YTHDF2: variants seen among roughly 807,000 people sequenced by gnomAD.
YTHDF2 encodes the protein YTH domain-containing family protein 2.
YTHDF2 carries 2 observed loss-of-function variants against 50.4 expected under a neutral mutation model. The observed-to-expected ratio is 0.04, with a 90% CI of 0.02 to 0.12. YTHDF2 has a LOEUF of 0.12. Ranked by LOEUF, YTHDF2 falls within the 10% of genes least tolerant of loss-of-function variation. The pLI is 1.00. For missense variants in YTHDF2, 483 were observed against 722.6 expected, an observed-to-expected ratio of 0.67 and a Z score of 3.80; for synonymous variants, 217 against 255.6, an observed-to-expected ratio of 0.85 and a Z score of 1.44.
At position 28,738,271 on chromosome 1, in the gene YTHDF2, C is replaced by T; in HGVS notation, c.65C>T (p.Ser22Phe). 6.2e-7 allele frequency: 1 copy of T among 1,613,870 alleles called. No individual in the cohort carries two copies. The highest frequency in any genetic ancestry group is 8.5e-7 in the Non-Finnish European group (1 of 1,179,784). ...KGQGNKVQNGSVHQKDGLNDD... is the reference protein window; with the variant it reads ...KGQGNKVQNGFVHQKDGLNDD... ...TTTTTTTCTTTAGTACAAAATGGAT[C>T]TGTACATCAAAAGGATGGATTAAAC... Residue 22 changes from serine to phenylalanine, a missense_variant, in exon 3 of 5, where the codon TCT becomes TTT. This residue lies in a region of YTHDF2 where 385 missense variants were observed against 475.8 expected (regional missense o/e 0.81). Transcript: ENST00000373812.
intron 1 of YTHDF2, 157 bp from the exon 2 acceptor site, chr1:28,737,501 C>A (rs906988479): frequency 1.8e-5 from 19 of 1,030,588 alleles, no homozygotes; most frequent in Non-Finnish European, 2.2e-5. Flanking sequence ...CGCTTTCCCC[C>A]GCCTCCCATT....
chr1:28,768,719 G>A (rs1156926669), intron 4 of YTHDF2, among the ~76,000 whole-genome samples: 3 of 152,136 alleles, frequency 2.0e-5, no homozygotes, highest in Non-Finnish European at 4.4e-5. Flanking sequence ...GAATTTTCAA[G>A]TCAAAAGTAA....
At chr1:28,762,385 C>G (rs2088149954) in intron 4 of YTHDF2, among the ~76,000 whole-genome samples, 1 of 152,210 alleles carries the variant, frequency 6.6e-6, no homozygotes, top group African/African-American at 2.4e-5. Context: ...GAGCGAGACT[C>G]TGTCTCAAAG....
At chr1:28,747,662 C>G (rs1204758799) in intron 4 of YTHDF2, among the ~76,000 whole-genome samples, 1 of 147,856 alleles carries the variant, frequency 6.8e-6, no homozygotes, top group African/African-American at 2.5e-5. Context: ...TTGTGATCCT[C>G]CCGCCTCTCC....
At chr1:28,741,480 G>A (rs2087775381) in intron 3 of YTHDF2, among the ~76,000 whole-genome samples, 1 of 152,084 alleles carries the variant, frequency 6.6e-6, no homozygotes, top group African/African-American at 2.4e-5. Context: ...TGTCTTTTTA[G>A]TAGAGACTGG....
Position 28,743,284 on chromosome 1 carries a change from G to C in YTHDF2, c.1014G>C (p.Gln338His), listed in dbSNP as rs771602114. 1 of 1,614,160 alleles carries C rather than the reference G, an allele frequency of 6.2e-7. No homozygotes were observed. The highest frequency in any genetic ancestry group is 8.5e-7 in the Non-Finnish European group (1 of 1,180,044). Reference protein sequence around the residue: ...PLPPPPPQPAQLSVQQQAAQP... With the variant: ...PLPPPPPQPAHLSVQQQAAQP... ...CTCCACCTCCACCACAGCCTGCCCA[G>C]CTTTCAGTCCAGCAACAGGCAGCTC... The change falls in exon 4 of 5, where the codon CAG (glutamine) becomes CAC (histidine). Residue 338 changes from glutamine (Q) to histidine (H), a missense_variant. Gln to His is a conservative substitution (Grantham distance 24, BLOSUM62 0). Coordinates refer to ENST00000373812, the MANE Select transcript of YTHDF2 (RefSeq NM_016258.3). This position sits in a 1 kb window ranked among gnomAD's most constrained non-coding sequence, Gnocchi z 6.9.
In YTHDF2 at chr1:28,742,524, A is replaced by G; in HGVS notation, c.254A>G (p.Tyr85Cys). 1.2e-6 allele frequency: 2 copies of G among 1,613,864 alleles called. No individual in the cohort carries two copies. Among genetic ancestry groups the G allele is most frequent in the Non-Finnish European group, 1.7e-6 (2 of 1,179,964 alleles). Residue 85 changes from tyrosine to cysteine, a missense_variant, in exon 4 of 5, where the codon TAC becomes TGC. Coordinates refer to ENST00000373812, the MANE Select transcript of YTHDF2 (RefSeq NM_016258.3). Reference sequence around the variant, plus strand: ...ACGGGGGGTGACACAGCCATGCCCTACTTAACTTCTTATGGACAGCTGAGC... The same window carrying G: ...ACGGGGGGTGACACAGCCATGCCCTGCTTAACTTCTTATGGACAGCTGAGC... ...WSTGGDTAMP[Y>C]LTSYGQLSNG...
intron 3 of YTHDF2, chr1:28,739,135 G>A (rs1446278743): frequency 6.6e-6 from 1 of 152,122 alleles, no homozygotes; most frequent in African/African-American, 2.4e-5. Flanking sequence ...AAGCTGCAGT[G>A]AGCTATCTAC....
chr1:28,745,666 G>A (rs956595708), intron 4 of YTHDF2, among the ~76,000 whole-genome samples: 3 of 150,948 alleles, frequency 2.0e-5, no homozygotes, highest in South Asian at 2.1e-4. Flanking sequence ...CAGAGGTTGC[G>A]GTGAGCCGAG....
intron 4 of YTHDF2, among the ~76,000 whole-genome samples, chr1:28,758,824 TGAG>T (rs1338564917): frequency 6.6e-6 from 1 of 151,882 alleles, no homozygotes; most frequent in Admixed American, 6.6e-5. Flanking sequence ...TGCACAGTGG[TGAG>T]GAGAGGGGAA....
rs1419075868 is a variant in YTHDF2, at chr1:28,742,490, G to A, written c.220G>A (p.Ala74Thr). 1 of 1,613,654 alleles carries A rather than the reference G, an allele frequency of 6.2e-7. No individual in the cohort carries two copies. The highest frequency in any genetic ancestry group is 8.5e-7 in the Non-Finnish European group (1 of 1,179,882). The change falls in exon 4 of 5, where the codon GCT becomes ACT. Residue 74 changes from alanine (A) to threonine (T), a missense_variant. Ala to Thr is a moderately conservative substitution (Grantham distance 58). Transcript: ENST00000373812. ...CTTCTCCTATTCTTTGGGTGAAGCT[G>A]CTTGGTCTACGGGGGGTGACACAGC... The part of the protein sequence containing the change: ...IGFSYSLGEA[A>T]WSTGGDTAMP...
chr1:28,748,670 T>C lies in YTHDF2; in HGVS notation c.1716+4684T>C, dbSNP rs1166974711. Among the ~76,000 whole-genome samples the C allele has an allele frequency of 2.0e-5, 3 of 152,254 alleles. No individual in the cohort carries two copies. The East Asian group carries it at 5.8e-4, about 29-fold the overall frequency. On this transcript the variant is annotated intron_variant, in intron 4 of 4. Transcript: ENST00000373812. ...AAATTTTAGTGACATGTTTGATAGA[T>C]GTGACTTACTTTTATTTTTTTAAAA...
intron 4 of YTHDF2, among the ~76,000 whole-genome samples, chr1:28,749,464 G>GC (rs2087915802): frequency 6.6e-6 from 1 of 152,126 alleles, no homozygotes; most frequent in Non-Finnish European, 1.5e-5. Context: ...ACAGGCGTGA[G>GC]CCACCACCAC....
chr1:28,737,473 C>T, intron 1 of YTHDF2, 185 bp from the exon 2 acceptor site: 3 of 807,348 alleles, frequency 3.7e-6, no homozygotes, highest in Non-Finnish European at 5.7e-6. Flanking sequence ...CGTTTTCTCC[C>T]CTGCCCCACG....
rs1266503746 is a variant in YTHDF2 at position 28,742,946 on chromosome 1, T to A, written c.676T>A (p.Leu226Met). The A allele has an allele frequency of 1.2e-6, 2 of 1,614,016 alleles. No individual in the cohort carries two copies. The highest frequency in any genetic ancestry group is 2.7e-5 in the African/African-American group (2 of 74,898). ...TAGTAACATCGTGGCTTCCAATAGT[T>A]TGCCTCCAGCCACCATTGCTCCTCC... is the stretch of plus-strand genomic sequence containing the variant. ...ITSNIVASNS[L>M]PPATIAPPKP... The change falls in exon 4 of 5, where the codon TTG becomes ATG. Residue 226 changes from leucine to methionine, a missense_variant. Around this residue, in one of 4 missense-constraint regions of YTHDF2, gnomAD observed 385 missense variants for 475.8 expected, o/e 0.81. Coordinates refer to ENST00000373812, the MANE Select transcript of YTHDF2 (RefSeq NM_016258.3).
intron 4 of YTHDF2, among the ~76,000 whole-genome samples, chr1:28,751,795 G>GC (rs1459083426): frequency 1.3e-5 from 2 of 152,216 alleles, no homozygotes; most frequent in African/African-American, 4.8e-5. Flanking sequence ...TGGGATAAGA[G>GC]CTGTAATAGA....
At chr1:28,752,376 C>CAA (rs2124186824) in intron 4 of YTHDF2, among the ~76,000 whole-genome samples, 1 of 152,314 alleles carries the variant, frequency 6.6e-6, no homozygotes, top group East Asian at 1.9e-4. Flanking sequence ...GATCTCAACT[C>CAA]ACTGTGTCCT....
intron 4 of YTHDF2, among the ~76,000 whole-genome samples, chr1:28,763,609 C>T (rs892073633): frequency 5.7e-4 from 87 of 152,104 alleles, no homozygotes; most frequent in African/African-American, 2.0e-3. Flanking sequence ...GTGTGTGCCA[C>T]CATGCCCAAC....
At chr1:28,759,830 C>T (rs2088088045) in intron 4 of YTHDF2, among the ~76,000 whole-genome samples, 1 of 152,096 alleles carries the variant, frequency 6.6e-6, no homozygotes. Flanking sequence ...GTGGTGCACA[C>T]CTGTAATCCC....
Sources: allele counts gnomAD v4.1 joint callset (sites outside exome capture counted in the v4.1 genomes callset), GRCh38; gene constraint gnomAD v4.1.1; regional missense constraint gnomAD v4.1.1; non-coding constraint Gnocchi (gnomAD v3.1); transcripts MANE v1.5; gene names NCBI Gene and HGNC (gene_info 2026-07-23, HGNC 2026-07-21).